The following SYNPR variants were observed in gnomAD, a reference collection of about 807,000 sequenced individuals.
The protein encoded by SYNPR is synaptoporin.
SYNPR carries 23 observed loss-of-function variants against 32.9 expected under a neutral mutation model. The observed-to-expected ratio is 0.70, with a 90% CI of 0.50 to 0.99. SYNPR has a LOEUF of 0.99. SYNPR is among the 50% of genes least tolerant of loss of function. The pLI is 0.00. For synonymous variants in SYNPR, 146 were observed against 135.9 expected (o/e 1.07, Z -0.52); for missense variants, 318 against 349.3 (o/e 0.91, Z 0.71).
intron 3 of SYNPR, among the ~76,000 whole-genome samples, chr3:63,506,681 C>T (rs1417986134): frequency 2.0e-5 from 3 of 152,116 alleles, no homozygotes; most frequent in Non-Finnish European, 4.4e-5. Context: ...GATCTTTTAA[C>T]GTCACACAAT....
chr3:63,534,996 C>G (rs1220268969), intron 3 of SYNPR, among the ~76,000 whole-genome samples: 1 of 152,058 alleles, frequency 6.6e-6, no homozygotes, highest in Non-Finnish European at 1.5e-5. Flanking sequence ...GTGAAGGGGA[C>G]AAACAGCCAA....
At chr3:63,539,209 TG>T (rs1702258882) in intron 3 of SYNPR, among the ~76,000 whole-genome samples, 1 of 152,148 alleles carries the variant, frequency 6.6e-6, no homozygotes. Context: ...CATCTCTGTG[TG>T]TTAGTATTAG....
chr3:63,207,652 C>T, the SYNPR span, among the ~76,000 whole-genome samples: 1 of 152,070 alleles, frequency 6.6e-6, no homozygotes, highest in African/African-American at 2.4e-5. Context: ...GAACAGAACT[C>T]TTGAAAGTCA....
At chr3:63,568,927 A>G (rs186003313) in intron 4 of SYNPR, among the ~76,000 whole-genome samples, 1 of 152,296 alleles carries the variant, frequency 6.6e-6, no homozygotes, top group Admixed American at 6.5e-5. Flanking sequence ...AAAATGTTAT[A>G]AGCACCTATG....
intron 2 of SYNPR, among the ~76,000 whole-genome samples, chr3:63,440,704 A>T (rs1700155089): frequency 6.6e-6 from 1 of 152,224 alleles, no homozygotes; most frequent in East Asian, 1.9e-4. Context: ...GAGATAATTC[A>T]GTAGAAACCC....
At chr3:63,432,503 C>A (rs6763959) in intron 2 of SYNPR, among the ~76,000 whole-genome samples, 3,302 of 152,302 alleles carry the variant, frequency 0.022, 124 homozygotes, top group African/African-American at 0.07. Context: ...ATTGTATCTT[C>A]AGGAGGATTA....
At chr3:63,543,013 G>A (rs1342288860) in intron 3 of SYNPR, among the ~76,000 whole-genome samples, 1 of 151,954 alleles carries the variant, frequency 6.6e-6, no homozygotes, top group East Asian at 1.9e-4. Context: ...TTTTATTTTT[G>A]TAGATTATAT....
chr3:63,498,850 A>G (rs1287846178), intron 3 of SYNPR, among the ~76,000 whole-genome samples: 2 of 151,750 alleles, frequency 1.3e-5, no homozygotes, highest in African/African-American at 4.8e-5. Flanking sequence ...ATGGTGGCTC[A>G]CACCTGTAAT....
chr3:63,445,640 T>C (rs188195578), intron 2 of SYNPR: 7 of 636,012 alleles, frequency 1.1e-5, no homozygotes, highest in African/African-American at 7.3e-5. Context: ...CCCTTTAATC[T>C]TGACAAGCAC....
chr3:63,251,692 T>A (rs147947059), intron 1 of SYNPR, among the ~76,000 whole-genome samples: 1 of 152,004 alleles, frequency 6.6e-6, no homozygotes, highest in Non-Finnish European at 1.5e-5. Context: ...GATCCCGGGA[T>A]GATCAGCAAA....
chr3:63,251,958 T>C (rs1263053183), intron 1 of SYNPR, among the ~76,000 whole-genome samples: 1 of 152,030 alleles, frequency 6.6e-6, no homozygotes, highest in Non-Finnish European at 1.5e-5. Context: ...GGCAATTAAA[T>C]GTCTTCCATA....
chr3:63,438,132 T>A (rs1575643993), intron 2 of SYNPR, among the ~76,000 whole-genome samples: 1 of 152,242 alleles, frequency 6.6e-6, no homozygotes, highest in African/African-American at 2.4e-5. Flanking sequence ...AGTAAGATAT[T>A]GTGTCTTTGA....
At chr3:63,572,609 G>T (rs975308492) in intron 4 of SYNPR, among the ~76,000 whole-genome samples, 1 of 152,010 alleles carries the variant, frequency 6.6e-6, no homozygotes, top group East Asian at 1.9e-4. Flanking sequence ...TAGAAGTATA[G>T]AATCTTTATT....
the SYNPR span, among the ~76,000 whole-genome samples, chr3:63,206,700 G>C: frequency 1.1e-4 from 16 of 152,264 alleles, no homozygotes; most frequent in Middle Eastern, 3.4e-3. Flanking sequence ...ATGTGAAAAG[G>C]CATGAAAAGT....
chr3:63,402,570 C>A (rs539215496), intron 2 of SYNPR, among the ~76,000 whole-genome samples: 6 of 152,228 alleles, frequency 3.9e-5, no homozygotes, highest in African/African-American at 1.2e-4. Context: ...AAAAGGCCAG[C>A]CTATTTGTGA....
At position 63,355,710 on chromosome 3, in the gene SYNPR, C is replaced by T. The variant is rs76574556; in HGVS notation, c.84+76968C>T. ...CCAGTGCTTCAGTACTCTGGCCCCC[C>T]CAGCCAGTGCTCAGCCCCCTTCTCT... On this transcript the variant is annotated intron_variant, in intron 2 of 5. Transcript: ENST00000478300. Among the ~76,000 whole-genome samples the T allele has an allele frequency of 5.4e-3, 817 of 152,208 alleles. 8 individuals are homozygous for T. The highest frequency in any genetic ancestry group is 0.013 in the African/African-American group (557 of 41,528).
At chr3:63,471,985 T>C (rs1381882538) in intron 2 of SYNPR, among the ~76,000 whole-genome samples, 1 of 152,180 alleles carries the variant, frequency 6.6e-6, no homozygotes, top group Admixed American at 6.5e-5. Flanking sequence ...ATTCCTATCA[T>C]GCCAGACTAA....
At chr3:63,516,804 G>A (rs1397620848) in intron 3 of SYNPR, among the ~76,000 whole-genome samples, 1 of 151,994 alleles carries the variant, frequency 6.6e-6, no homozygotes, top group Non-Finnish European at 1.5e-5. Context: ...TGTTTGATAT[G>A]CATTCGCCTA....
intron 2 of SYNPR, among the ~76,000 whole-genome samples, chr3:63,442,251 CGA>C (rs10537945): frequency 0.22 from 32,577 of 150,122 alleles, 3,776 homozygotes; most frequent in South Asian, 0.41. Flanking sequence ...GGAAGGAAAG[CGA>C]GAGAGAGAGA....
Sources: gnomAD v4.1 joint callset for allele counts (sites outside exome capture counted in the v4.1 genomes callset) on GRCh38, gnomAD v4.1.1 for gene constraint, MANE v1.5 for transcripts, NCBI Gene and HGNC (gene_info 2026-07-23, HGNC 2026-07-21) for gene names.